IRF2BP2: variants seen among roughly 807,000 people sequenced by gnomAD.
IRF2BP2 encodes interferon regulatory factor 2 binding protein 2.
A neutral mutation model predicts 32.7 loss-of-function variants in IRF2BP2; 13 were observed. That is an observed-to-expected ratio of 0.40 (90% CI 0.26 to 0.63). The LOEUF (loss-of-function observed/expected upper bound fraction) is 0.63. Among genes scored for constraint, IRF2BP2 ranks in the 30% least tolerant of loss-of-function variants. The pLI is 0.42. For missense variants in IRF2BP2, 980 were observed against 830.6 expected (o/e 1.18, Z -2.21); for synonymous variants, 555 against 384.6 (o/e 1.44, Z -5.18).
Position 234,608,428 on chromosome 1 carries a change from A to C in IRF2BP2, c.1048+19T>G, listed in dbSNP as rs1179553167. ...CCCCTTTTCTCCCCTAGACCCCCTC[A>C]CTTCACAGCCGCCCCTACCTGCTTT... On this transcript the variant is annotated intron_variant, in intron 1 of 1. Transcript: ENST00000366609. 2 of 1,477,334 alleles carry C rather than the reference A, an allele frequency of 1.4e-6. No individual in the cohort carries two copies. Among genetic ancestry groups the C allele is most frequent in the East Asian group, 5.3e-5 (2 of 37,678 alleles). The allele number at this position is 1,477,334 out of a possible 1,614,324, so 91.5% of individuals were successfully genotyped here.
rs1672285498 is a variant in IRF2BP2, at chr1:234,609,575, G to A, written c.-81C>T. 3 of 825,440 alleles carry A rather than the reference G, an allele frequency of 3.6e-6. No homozygotes were observed. The highest frequency in any genetic ancestry group is 4.4e-5 in the Admixed American group (1 of 22,526). 51.1% of individuals were successfully genotyped at this position (825,440 alleles called of 1,614,324 possible). A position where few individuals can be genotyped will look rare whatever the true frequency, so the allele number is the denominator to read the frequency against. On this transcript the variant is annotated 5_prime_UTR_variant, in exon 1 of 2. Coordinates refer to ENST00000366609, the MANE Select transcript of IRF2BP2 (RefSeq NM_182972.3). The stretch of plus-strand genomic sequence containing the variant: ...CCGCCGCCCCCCACCGGCACCACGC[G>A]CGCCCTCCTCCCCCCCCAACCCCGC...
rs1571956509 is a variant in IRF2BP2 at position 234,607,141 on chromosome 1, G to A, written c.1760C>T (p.Ser587Leu). 1 of 1,604,284 alleles carries A rather than the reference G, an allele frequency of 6.2e-7. No individual in the cohort carries two copies. The highest frequency in any genetic ancestry group is 8.5e-7 in the Non-Finnish European group (1 of 1,172,706). ...GTTTTTCTGAAACCGGAAAAGTCACGAGTCTCTCTCTTTTTTCACTTTCAC... is the reference window on the plus strand; with the variant it reads ...GTTTTTCTGAAACCGGAAAAGTCACAAGTCTCTCTCTTTTTTCACTTTCAC... The part of the protein sequence containing the change: ...GDVKVKKERD[S>L] The change falls in exon 2 of 2, where the codon TCG becomes TTG. Residue 587 changes from serine to leucine, a missense_variant. Ser to Leu is a moderately radical substitution (Grantham distance 145, BLOSUM62 -2). Coordinates refer to ENST00000366609, the MANE Select transcript of IRF2BP2 (RefSeq NM_182972.3).
chr1:234,609,592 C>CA lies in IRF2BP2; in HGVS notation c.-99dup, dbSNP rs1214673443. On this transcript the variant is annotated 5_prime_UTR_variant, in exon 1 of 2. Transcript: ENST00000366609. ...CACCACGCGCGCCCTCCTCCCCCCC[C>CA]AACCCCGCGTCTCCCCCACCAGCGG... 1.6e-6 allele frequency: 1 copy of CA among 618,956 alleles called. No homozygotes were observed. The highest frequency in any genetic ancestry group is 2.3e-6 in the Non-Finnish European group (1 of 433,222). 38.3% of individuals were successfully genotyped at this position (618,956 alleles called of 1,614,324 possible). A position where few individuals can be genotyped will look rare whatever the true frequency, so the allele number is the denominator to read the frequency against.
Position 234,608,756 on chromosome 1 carries a change from C to T in IRF2BP2, c.739G>A (p.Val247Met). Residue 247 changes from valine (V) to methionine (M), a missense_variant, in exon 1 of 2, where the codon GTG becomes ATG. By Grantham distance (21) the Val-to-Met change is conservative (BLOSUM62 1). Coordinates refer to ENST00000366609, the MANE Select transcript of IRF2BP2 (RefSeq NM_182972.3). Reference sequence around the variant, plus strand: ...GCCGCCTCACGCTGCTCGTGCTCCACGGCAGCGCTGCTCGACACGGATGCC... The same window carrying T: ...GCCGCCTCACGCTGCTCGTGCTCCATGGCAGCGCTGCTCGACACGGATGCC... ...RPASVSSSAA[V>M]EHEQREAAAK... The T allele has an allele frequency of 2.0e-6, 3 of 1,486,864 alleles. No homozygotes were observed. The highest frequency in any genetic ancestry group is 2.7e-6 in the Non-Finnish European group (3 of 1,128,752). The allele number at this position is 1,486,864 out of a possible 1,614,324, so 92.1% of individuals were successfully genotyped here.
In IRF2BP2 at chr1:234,606,176, A is replaced by T. The variant is rs193203163; in HGVS notation, c.*961T>A. 7 of 152,466 alleles carry T rather than the reference A, an allele frequency of 4.6e-5. No individual in the cohort carries two copies. The highest frequency in any genetic ancestry group is 1.4e-4 in the African/African-American group (6 of 41,582). 9.4% of individuals were successfully genotyped at this position (152,466 alleles called of 1,614,324 possible). ...AACAAAACAAAACAGAAACAAAACC[A>T]ATCCCACAATCTCCAAGTTCACCTG... On this transcript the variant is annotated 3_prime_UTR_variant, in exon 2 of 2. Coordinates refer to ENST00000366609, the MANE Select transcript of IRF2BP2 (RefSeq NM_182972.3).
chr1:234,609,515 CGGA>C lies in IRF2BP2; in HGVS notation c.-24_-22del, dbSNP rs765673830. The stretch of plus-strand genomic sequence containing the variant: ...GCCATGTCCGAGGAGCCCGCGACGC[CGGA>C]GGAGGAGGCGGAGGAGGAGGAGGGG... On this transcript the variant is annotated 5_prime_UTR_variant, in exon 1 of 2. Transcript: ENST00000366609. 385 of 1,430,874 alleles carry C rather than the reference CGGA, an allele frequency of 2.7e-4. No individual in the cohort carries two copies. Among genetic ancestry groups the C allele is most frequent in the Admixed American group, 6.8e-4 (27 of 39,968 alleles). 88.6% of individuals were successfully genotyped at this position (1,430,874 alleles called of 1,614,324 possible).
chr1:234,608,838 G>A lies in IRF2BP2; in HGVS notation c.657C>T (p.Thr219=). ...AAASLAAVSG[T]AAASLGSAQP... is the part of the protein sequence containing the mutation. ...GCGCGGAGCCCAGGCTGGCGGCCGC[G>A]GTTCCGGACACCGCGGCTAAGGAGG... is the stretch of plus-strand genomic sequence containing the variant. Residue 219 remains threonine (T), a synonymous_variant, in exon 1 of 2, where the codon ACC becomes ACT. Coordinates refer to ENST00000366609, the MANE Select transcript of IRF2BP2 (RefSeq NM_182972.3). 7.5e-7 allele frequency: 1 copy of A among 1,338,450 alleles called. No homozygotes were observed. 82.9% of individuals were successfully genotyped at this position (1,338,450 alleles called of 1,614,324 possible).
At position 234,609,615 on chromosome 1, in the gene IRF2BP2, CGGCGGCGGCGGCCGCAAA is replaced by C. The variant is rs1187967072; in HGVS notation, c.-139_-122del. The C allele has an allele frequency of 1.9e-4, 79 of 422,448 alleles. No individual in the cohort carries two copies. The highest frequency in any genetic ancestry group is 4.7e-4 in the African/African-American group (22 of 46,630). 26.2% of individuals were successfully genotyped at this position (422,448 alleles called of 1,614,324 possible). ...CCCAACCCCGCGTCTCCCCCACCAG[CGGCGGCGGCGGCCGCAAA>C]GGCGGCGGCGGCGGCGGCAAAGCCC... On this transcript the variant is annotated 5_prime_UTR_variant, in exon 1 of 2. Transcript: ENST00000366609.
chr1:234,609,613 AGCGGCGGCGGCGGCCGCAAAGGCGGCG>A lies in IRF2BP2; in HGVS notation c.-146_-120del. On this transcript the variant is annotated 5_prime_UTR_variant, in exon 1 of 2. Coordinates refer to ENST00000366609, the MANE Select transcript of IRF2BP2 (RefSeq NM_182972.3). ...CCCCCAACCCCGCGTCTCCCCCACC[AGCGGCGGCGGCGGCCGCAAAGGCGGCG>A]GCGGCGGCGGCAAAGCCCGCGAAGG... is the stretch of plus-strand genomic sequence containing the variant. 1 of 449,386 alleles carries A rather than the reference AGCGGCGGCGGCGGCCGCAAAGGCGGCG, an allele frequency of 2.2e-6. No homozygotes were observed. Among genetic ancestry groups the A allele is most frequent in the Non-Finnish European group, 3.4e-6 (1 of 297,078 alleles). The allele number at this position is 449,386 out of a possible 1,614,324, so 27.8% of individuals were successfully genotyped here. A position where few individuals can be genotyped will look rare whatever the true frequency, so the allele number is the denominator to read the frequency against.
rs1172838863 is a variant in IRF2BP2 at position 234,604,382 on chromosome 1, TATA to T, written c.*2752_*2754del. The T allele has an allele frequency of 3.3e-5, 5 of 152,316 alleles. No individual in the cohort carries two copies. Among genetic ancestry groups the T allele is most frequent in the African/African-American group, 1.2e-4 (5 of 41,576 alleles). The allele number at this position is 152,316 out of a possible 1,614,324, so 9.4% of individuals were successfully genotyped here. On this transcript the variant is annotated 3_prime_UTR_variant, in exon 2 of 2. Coordinates refer to ENST00000366609, the MANE Select transcript of IRF2BP2 (RefSeq NM_182972.3). ...ATATTTCCATAGCGTGATTTTAAAA[TATA>T]ATAATGTTGGTATCTGAGATTACAC...
chr1:234,606,923 T>C lies in IRF2BP2; in HGVS notation c.*214A>G, dbSNP rs1571956279. ...AAGCACAAAGATATGCTAATAACGT[T>C]AACAAAAGAAAAAAATGTCTTTATA... On this transcript the variant is annotated 3_prime_UTR_variant, in exon 2 of 2. Coordinates refer to ENST00000366609, the MANE Select transcript of IRF2BP2 (RefSeq NM_182972.3). 2.2e-6 allele frequency: 1 copy of C among 457,478 alleles called. No homozygotes were observed. The allele number at this position is 457,478 out of a possible 1,614,324, so 28.3% of individuals were successfully genotyped here.
chr1:234,607,430 C>T lies in IRF2BP2; in HGVS notation c.1471G>A (p.Ala491Thr). 6.2e-7 allele frequency: 1 copy of T among 1,614,052 alleles called. No homozygotes were observed. The highest frequency in any genetic ancestry group is 8.5e-7 in the Non-Finnish European group (1 of 1,179,910). ...GCCAGAGAGGAGTCCGGGAGGCTGG[C>T]AGGGTGCACTGGCTCCAGTCCTCCT... is the stretch of plus-strand genomic sequence containing the variant. ...NTGGLEPVHP[A>T]SLPDSSLATS... The change falls in exon 2 of 2, where the codon GCC becomes ACC. Residue 491 changes from alanine (A) to threonine (T), a missense_variant. By Grantham distance (58) the Ala-to-Thr change is moderately conservative. Transcript: ENST00000366609.
In IRF2BP2 at chr1:234,604,410, CTCACT is replaced by C. The variant is rs1456071908; in HGVS notation, c.*2722_*2726del. 8.5e-5 allele frequency: 13 copies of C among 152,284 alleles called. No individual in the cohort carries two copies. Among genetic ancestry groups the C allele is most frequent in the Admixed American group, 2.6e-4 (4 of 15,300 alleles). 9.4% of individuals were successfully genotyped at this position (152,284 alleles called of 1,614,324 possible). ...AATAATGTTGGTATCTGAGATTACA[CTCACT>C]TCAGTTGACATGAGTTTCATCATAT... On this transcript the variant is annotated 3_prime_UTR_variant, in exon 2 of 2. Coordinates refer to ENST00000366609, the MANE Select transcript of IRF2BP2 (RefSeq NM_182972.3).
chr1:234,608,948 C>A lies in IRF2BP2; in HGVS notation c.547G>T (p.Ala183Ser). 2.9e-6 allele frequency: 4 copies of A among 1,360,600 alleles called. No individual in the cohort carries two copies. The highest frequency in any genetic ancestry group is 4.1e-5 in the South Asian group (2 of 49,170). The allele number at this position is 1,360,600 out of a possible 1,614,324, so 84.3% of individuals were successfully genotyped here. The change falls in exon 1 of 2, where the codon GCG becomes TCG. Residue 183 changes from alanine to serine, a missense_variant. Ala to Ser is a moderately conservative substitution (Grantham distance 99, BLOSUM62 1). Coordinates refer to ENST00000366609, the MANE Select transcript of IRF2BP2 (RefSeq NM_182972.3). ...RQSPNPRRGHAVPPTLVPLMN... is the reference protein window; with the variant it reads ...RQSPNPRRGHSVPPTLVPLMN... ...AGCGGCACCAGGGTGGGCGGCACCG[C>A]GTGGCCGCGCCGCGGGTTCGGGCTC... is the stretch of plus-strand genomic sequence containing the variant.
At chr1:234,608,419 GA>G in intron 1 of IRF2BP2, 27 bp downstream of exon 1, 1 of 1,449,700 alleles carries the variant, frequency 6.9e-7, no homozygotes, top group Non-Finnish European at 9.2e-7. Context: ...TTCTCCCCTA[GA>G]CCCCCTCACT....
intron 1 of IRF2BP2, 193 bp from the exon 2 acceptor site, chr1:234,608,045 G>A (rs991895094): frequency 3.5e-6 from 2 of 576,642 alleles, no homozygotes; most frequent in South Asian, 2.4e-5. Flanking sequence ...GGATTCTGAG[G>A]CAGCAGACTG....
chr1:234,608,136 C>T, intron 1 of IRF2BP2: 1 of 534,164 alleles, frequency 1.9e-6, no homozygotes, highest in South Asian at 2.8e-5. Context: ...CGTTTGCACT[C>T]AACATGTGAC....
rs368543675 is a variant in IRF2BP2, at chr1:234,607,004, ATC to A, written c.*131_*132del. 1 of 714,976 alleles carries A rather than the reference ATC, an allele frequency of 1.4e-6. No individual in the cohort carries two copies. The highest frequency in any genetic ancestry group is 2.6e-5 in the East Asian group (1 of 38,168). The allele number at this position is 714,976 out of a possible 1,614,324, so 44.3% of individuals were successfully genotyped here. On this transcript the variant is annotated 3_prime_UTR_variant, in exon 2 of 2. Coordinates refer to ENST00000366609, the MANE Select transcript of IRF2BP2 (RefSeq NM_182972.3). ...TAGAAACACAATGTATTCAAAAAAA[ATC>A]AAAATTATACAGCCATGTTTATGAA...
At chr1:234,608,034 G>A (rs529394820) in intron 1 of IRF2BP2, 182 bp from the exon 2 acceptor site, 4 of 581,514 alleles carry the variant, frequency 6.9e-6, no homozygotes, top group Non-Finnish European at 9.1e-6. Flanking sequence ...TCAGGCGTAC[G>A]GGATTCTGAG....
Sources: allele counts gnomAD v4.1 joint callset, GRCh38; gene constraint gnomAD v4.1.1; transcripts MANE v1.5; gene names NCBI Gene and HGNC (gene_info 2026-07-23, HGNC 2026-07-21).